ARHGAP20: variants seen among roughly 807,000 people sequenced by gnomAD.
ARHGAP20 encodes the protein Rho GTPase activating protein 20, also known as rho GTPase-activating protein 20.
A neutral mutation model predicts 73.7 loss-of-function variants in ARHGAP20; 34 were observed. The observed-to-expected ratio is 0.46, with a 90% CI of 0.35 to 0.61. The LOEUF is 0.61. Among genes scored for constraint, ARHGAP20 ranks in the 20% least tolerant of loss-of-function variants. The pLI is 0.00. For synonymous variants in ARHGAP20, 523 were observed against 518.2 expected (o/e 1.01, Z -0.13); for missense variants, 1,314 against 1,420.9 (o/e 0.92, Z 1.21).
intron 2 of ARHGAP20, among the ~76,000 whole-genome samples, chr11:110,685,144 G>A (rs1241204233): frequency 1.3e-5 from 2 of 151,950 alleles, no homozygotes; most frequent in Non-Finnish European, 2.9e-5. Flanking sequence ...ACAGTCTTCT[G>A]GGAAATCTTT....
At chr11:110,657,943 GA>G (rs1169919946) in intron 2 of ARHGAP20, among the ~76,000 whole-genome samples, 16 of 144,158 alleles carry the variant, frequency 1.1e-4, no homozygotes, top group Admixed American at 8.9e-4. Context: ...AGGAAGGAAG[GA>G]AGGAAGGAAG....
intron 9 of ARHGAP20, among the ~76,000 whole-genome samples, chr11:110,601,558 T>C (rs1231177399): frequency 6.6e-6 from 1 of 152,260 alleles, no homozygotes; most frequent in South Asian, 2.1e-4. Flanking sequence ...GCACAAACTA[T>C]GCTCCCTGGA....
chr11:110,658,781 T>C (rs962849368), intron 2 of ARHGAP20, among the ~76,000 whole-genome samples: 1 of 84,764 alleles, frequency 1.2e-5, no homozygotes, highest in African/African-American at 5.1e-5. Context: ...TTGTTATTTA[T>C]TGTTTTGTTT....
chr11:110,649,228 G>T (rs1416908392), intron 2 of ARHGAP20, among the ~76,000 whole-genome samples: 2 of 125,540 alleles, frequency 1.6e-5, no homozygotes, highest in Non-Finnish European at 3.3e-5. Flanking sequence ...TTTTTTTGGA[G>T]GGGGTCTTGC....
At chr11:110,596,576 C>T (rs1947967944) in intron 9 of ARHGAP20, among the ~76,000 whole-genome samples, 1 of 152,128 alleles carries the variant, frequency 6.6e-6, no homozygotes. Context: ...AAATGCAAAT[C>T]AAAACCACAA....
At position 110,690,753 on chromosome 11, in the gene ARHGAP20, G is replaced by A; in HGVS notation, c.106-124C>T. ...ATCTTTGTCTGTCAAGGAGCCTACA[G>A]TTTCATTATGGAGATAAAACTGTAA... On this transcript the variant is annotated intron_variant, in intron 1 of 14. Transcript: ENST00000683387. 7.3e-6 allele frequency: 7 copies of A among 961,832 alleles called. 1 individual carries two copies. The South Asian group carries it at 1.0e-4, about 14-fold the overall frequency. 59.6% of individuals were successfully genotyped at this position (961,832 alleles called of 1,614,324 possible).
chr11:110,696,777 A>G (rs1399810229), intron 1 of ARHGAP20, among the ~76,000 whole-genome samples: 2 of 151,472 alleles, frequency 1.3e-5, no homozygotes, highest in Non-Finnish European at 3.0e-5. Flanking sequence ...CTTTATGTCC[A>G]TTTGTATCCA....
Position 110,712,304 on chromosome 11 carries a change from G to A in ARHGAP20, c.-73C>T, listed in dbSNP as rs1017500734. 7 of 1,198,922 alleles carry A rather than the reference G, an allele frequency of 5.8e-6. No homozygotes were observed. The highest frequency in any genetic ancestry group is 1.6e-5 in the African/African-American group (1 of 62,844). 74.3% of individuals were successfully genotyped at this position (1,198,922 alleles called of 1,614,324 possible). On this transcript the variant is annotated 5_prime_UTR_variant, in exon 1 of 15. Coordinates refer to ENST00000683387, the MANE Select transcript of ARHGAP20 (RefSeq NM_001384657.1). ...CATGTCCGCGGGCTGCCGGCCGGAG[G>A]GGCGAGGACGCGCGGGCGGAGGCGC...
intron 2 of ARHGAP20, among the ~76,000 whole-genome samples, chr11:110,658,635 C>CAAT (rs1163414326): frequency 6.6e-6 from 1 of 152,042 alleles, no homozygotes; most frequent in East Asian, 1.9e-4. Flanking sequence ...TTCTTATTTA[C>CAAT]AAGGTAGAGT....
At chr11:110,700,361 GA>G (rs1207650755) in intron 1 of ARHGAP20, among the ~76,000 whole-genome samples, 1 of 151,874 alleles carries the variant, frequency 6.6e-6, no homozygotes, top group Admixed American at 6.6e-5. Flanking sequence ...TTCAAGGCTA[GA>G]AAAAATAAGT....
chr11:110,698,481 T>C (rs930281059), intron 1 of ARHGAP20, among the ~76,000 whole-genome samples: 2 of 151,790 alleles, frequency 1.3e-5, no homozygotes, highest in Admixed American at 6.6e-5. Flanking sequence ...TTTAGAAGTT[T>C]CGGTAAGATT....
At chr11:110,648,891 G>A (rs1345280967) in intron 2 of ARHGAP20, among the ~76,000 whole-genome samples, 1 of 152,022 alleles carries the variant, frequency 6.6e-6, no homozygotes, top group Non-Finnish European at 1.5e-5. Flanking sequence ...AGGTTTCCAA[G>A]TAACTTGATT....
chr11:110,712,265 G>C lies in ARHGAP20; in HGVS notation c.-34C>G, dbSNP rs1279324051. ...TCTTCAAACAAATCCCAGCCCAGGA[G>C]GAGGCTACACGATCATGTCCGCGGG... On this transcript the variant is annotated 5_prime_UTR_variant, in exon 1 of 15. Coordinates refer to ENST00000683387, the MANE Select transcript of ARHGAP20 (RefSeq NM_001384657.1). 6.1e-6 allele frequency: 8 copies of C among 1,306,264 alleles called. No homozygotes were observed. Among genetic ancestry groups the C allele is most frequent in the Non-Finnish European group, 7.9e-6 (8 of 1,018,920 alleles). The allele number at this position is 1,306,264 out of a possible 1,614,324, so 80.9% of individuals were successfully genotyped here. A position where few individuals can be genotyped will look rare whatever the true frequency, so the allele number is the denominator to read the frequency against.
At position 110,578,917 on chromosome 11, in the gene ARHGAP20, T is replaced by C. The variant is rs1281902753; in HGVS notation, c.*453A>G. On this transcript the variant is annotated 3_prime_UTR_variant, in exon 15 of 15. Coordinates refer to ENST00000683387, the MANE Select transcript of ARHGAP20 (RefSeq NM_001384657.1). ...TTACTGGACACACTTAATGCTTTGA[T>C]TAGTGGCATTTTTCTTGCCTACTTA... 1.0e-6 allele frequency: 1 copy of C among 987,292 alleles called. No homozygotes were observed. The highest frequency in any genetic ancestry group is 1.2e-6 in the Non-Finnish European group (1 of 831,170). The allele number at this position is 987,292 out of a possible 1,614,324, so 61.2% of individuals were successfully genotyped here.
At chr11:110,707,320 T>G (rs896461364) in intron 1 of ARHGAP20, among the ~76,000 whole-genome samples, 4 of 152,182 alleles carry the variant, frequency 2.6e-5, no homozygotes, top group East Asian at 3.8e-4. Flanking sequence ...TCATTAAAAC[T>G]ATTCCGTGAA....
Position 110,580,541 on chromosome 11 carries a change from GA to G in ARHGAP20, c.2404del (p.Ser802LeufsTer21). Reference protein sequence around the residue: ...LFPKSKPVAISVASYSPMSSQ... With the variant: ...LFPKSKPVAIXVASYSPMSSQ... Reference sequence around the variant, plus strand: ...GGACATAGGACTATAAGATGCCACAGAAATGGCCACTGGCTTAGACTTAGGG... The same window carrying G: ...GGACATAGGACTATAAGATGCCACAGAATGGCCACTGGCTTAGACTTAGGG... On this transcript the variant is annotated frameshift_variant, in exon 15 of 15. Transcript: ENST00000683387. LOFTEE classifies it low-confidence loss of function (END_TRUNC). The G allele has an allele frequency of 6.2e-7, 1 of 1,614,226 alleles. No individual in the cohort carries two copies. The highest frequency in any genetic ancestry group is 8.5e-7 in the Non-Finnish European group (1 of 1,180,044).
At chr11:110,669,454 CT>C (rs1367070415) in intron 2 of ARHGAP20, among the ~76,000 whole-genome samples, 4 of 151,708 alleles carry the variant, frequency 2.6e-5, no homozygotes, top group African/African-American at 9.7e-5. Context: ...ATGAAAAACA[CT>C]TAAAACTCAA....
chr11:110,689,876 G>A (rs1329445808), intron 2 of ARHGAP20, among the ~76,000 whole-genome samples: 2 of 151,692 alleles, frequency 1.3e-5, no homozygotes, highest in Non-Finnish European at 2.9e-5. Flanking sequence ...TTCTCAAGTC[G>A]CCTGCTTGGC....
rs74806797 is a variant in ARHGAP20 at position 110,602,112 on chromosome 11, T to A, written c.964+4449A>T. Among the ~76,000 whole-genome samples the A allele has an allele frequency of 3.4e-3, 511 of 152,292 alleles. 3 individuals carry two copies. Among genetic ancestry groups the A allele is most frequent in the African/African-American group, 0.011 (472 of 41,558 alleles). ...AGTTAAGTAGCTGTGACAGAGATGGTATGTGGTGCGCTCATTACTTTGCAC... is the reference window on the plus strand; with the variant it reads ...AGTTAAGTAGCTGTGACAGAGATGGAATGTGGTGCGCTCATTACTTTGCAC... On this transcript the variant is annotated intron_variant, in intron 9 of 14. Transcript: ENST00000683387.
Sources: allele counts gnomAD v4.1 joint callset (sites outside exome capture counted in the v4.1 genomes callset), GRCh38; gene constraint gnomAD v4.1.1; transcripts MANE v1.5; gene names NCBI Gene and HGNC (gene_info 2026-07-23, HGNC 2026-07-21).